LRRC4C: variants seen among roughly 807,000 people sequenced by gnomAD.
LRRC4C encodes the protein leucine-rich repeat-containing protein 4C.
LRRC4C carries 5 observed loss-of-function variants against 33.6 expected under a neutral mutation model. That is an observed-to-expected ratio of 0.15 (90% CI 0.08 to 0.31). LRRC4C has a LOEUF of 0.31. LRRC4C is among the 10% of genes least tolerant of loss of function. LRRC4C has a pLI of 1.00. For synonymous variants in LRRC4C, 329 were observed against 302.0 expected (o/e 1.09, Z -0.93); for missense variants, 560 against 796.7 (o/e 0.70, Z 3.58).
intron 2 of LRRC4C, among the ~76,000 whole-genome samples, chr11:40,660,909 T>C (rs1416742115): frequency 6.6e-6 from 1 of 152,166 alleles, no homozygotes; most frequent in Non-Finnish European, 1.5e-5. Context: ...ATAATAAATT[T>C]AATAGAGGAT....
At chr11:40,965,445 T>C (rs572031619) in intron 1 of LRRC4C, among the ~76,000 whole-genome samples, 16 of 152,314 alleles carry the variant, frequency 1.1e-4, no homozygotes, top group Middle Eastern at 3.4e-3. Context: ...TCCTTGTCCA[T>C]GCCTATGTCC....
At chr11:40,141,432 T>G (rs1857359976) in intron 5 of LRRC4C, among the ~76,000 whole-genome samples, 1 of 152,172 alleles carries the variant, frequency 6.6e-6, no homozygotes, top group Admixed American at 6.5e-5. Context: ...CTGAGGGCCA[T>G]GTACAGTACT....
At chr11:40,413,002 T>C (rs72895076) in intron 3 of LRRC4C, among the ~76,000 whole-genome samples, 4,697 of 152,234 alleles carry the variant, frequency 0.031, 78 homozygotes, top group Non-Finnish European at 0.046. Context: ...AATCCATTTT[T>C]GCATGTACAT....
chr11:40,852,469 C>A (rs1337939170), intron 2 of LRRC4C, among the ~76,000 whole-genome samples: 1 of 151,912 alleles, frequency 6.6e-6, no homozygotes, highest in Non-Finnish European at 1.5e-5. Flanking sequence ...ACATATAAAA[C>A]AATATTAATA....
At chr11:40,989,634 A>G (rs1853357918) in intron 1 of LRRC4C, among the ~76,000 whole-genome samples, 2 of 152,080 alleles carry the variant, frequency 1.3e-5, no homozygotes, top group Non-Finnish European at 2.9e-5. Context: ...AAGGCTTACT[A>G]TTTTTACTCA....
At chr11:40,609,920 A>T (rs960125483) in intron 3 of LRRC4C, among the ~76,000 whole-genome samples, 2 of 152,022 alleles carry the variant, frequency 1.3e-5, no homozygotes, top group Non-Finnish European at 2.9e-5. Context: ...AACAGAGAAA[A>T]GTCCAGAACC....
intron 1 of LRRC4C, among the ~76,000 whole-genome samples, chr11:41,261,530 G>A (rs1948982112): frequency 6.6e-6 from 1 of 152,000 alleles, no homozygotes. Context: ...CTCACAGATA[G>A]GGTGAATATA....
At chr11:40,609,814 A>G (rs1961019762) in intron 3 of LRRC4C, among the ~76,000 whole-genome samples, 1 of 151,948 alleles carries the variant, frequency 6.6e-6, no homozygotes, top group South Asian at 2.1e-4. Flanking sequence ...ATAGATTCCT[A>G]GAAACATAAA....
intron 1 of LRRC4C, among the ~76,000 whole-genome samples, chr11:41,336,472 A>G (rs2137422650): frequency 6.6e-6 from 1 of 152,160 alleles, no homozygotes; most frequent in African/African-American, 2.4e-5. Flanking sequence ...GCCATAAACT[A>G]CCACCAAAAT....
At chr11:40,327,635 C>T (rs1336471485) in intron 3 of LRRC4C, among the ~76,000 whole-genome samples, 3 of 151,990 alleles carry the variant, frequency 2.0e-5, no homozygotes, top group Admixed American at 6.6e-5. Flanking sequence ...GTCAGCCATT[C>T]CCTTAATAAA....
At chr11:40,616,918 A>C (rs373648519) in intron 3 of LRRC4C, among the ~76,000 whole-genome samples, 14 of 148,268 alleles carry the variant, frequency 9.4e-5, no homozygotes, top group African/African-American at 3.5e-4. Context: ...AAAAAAAAAA[A>C]CTGCCAAAAA....
intron 2 of LRRC4C, among the ~76,000 whole-genome samples, chr11:40,853,611 C>T (rs1051532926): frequency 4.6e-5 from 7 of 152,118 alleles, no homozygotes; most frequent in Non-Finnish European, 1.0e-4. Flanking sequence ...GGATTCTCTA[C>T]TGACTTGTTC....
chr11:40,246,809 A>G (rs775151333), intron 4 of LRRC4C, among the ~76,000 whole-genome samples: 4 of 152,184 alleles, frequency 2.6e-5, no homozygotes, highest in African/African-American at 4.8e-5. Flanking sequence ...AAGCATTAGA[A>G]ATAAAAAGTA....
chr11:41,161,692 G>A (rs912482947), intron 1 of LRRC4C, among the ~76,000 whole-genome samples: 1 of 152,084 alleles, frequency 6.6e-6, no homozygotes, highest in Non-Finnish European at 1.5e-5. Context: ...AAAAACTCTT[G>A]TTTTATGTTG....
intron 5 of LRRC4C, among the ~76,000 whole-genome samples, chr11:40,223,974 AGATT>A (rs1190942850): frequency 1.3e-5 from 2 of 152,202 alleles, no homozygotes; most frequent in African/African-American, 4.8e-5. Context: ...TTCTTTATTT[AGATT>A]AAGACTATTA....
At chr11:40,348,520 A>C (rs146745931) in intron 3 of LRRC4C, among the ~76,000 whole-genome samples, 1 of 152,142 alleles carries the variant, frequency 6.6e-6, no homozygotes, top group African/African-American at 2.4e-5. Context: ...TGCCTACATT[A>C]CTCCACTATT....
intron 3 of LRRC4C, among the ~76,000 whole-genome samples, chr11:40,345,867 A>G (rs796315486): frequency 2.3e-5 from 3 of 130,224 alleles, no homozygotes; most frequent in Non-Finnish European, 5.1e-5. Flanking sequence ...AAACCAAACA[A>G]CACCATTAAA....
Position 40,441,614 on chromosome 11 carries a change from T to G in LRRC4C, c.-269-121893A>C, listed in dbSNP as rs536172670. 4.6e-5 allele frequency among the ~76,000 whole-genome samples: 7 copies of G among 152,348 alleles called. No individual in the cohort carries two copies. In the South Asian group the frequency reaches 1.0e-3, roughly 23 times the overall value. ...GTTGAAATGTTTAAAAAGAGCACCA[T>G]GTTAGAATGGAACATGAAATAAATC... On this transcript the variant is annotated intron_variant, in intron 3 of 6. Coordinates refer to ENST00000528697, the MANE Select transcript of LRRC4C (RefSeq NM_001258419.2).
At chr11:41,110,659 A>G (rs1941776507) in intron 1 of LRRC4C, among the ~76,000 whole-genome samples, 1 of 152,026 alleles carries the variant, frequency 6.6e-6, no homozygotes, top group South Asian at 2.1e-4. Context: ...TGCAAGTTTT[A>G]TTAACCAATT....
Sources: allele counts gnomAD v4.1 joint callset (sites outside exome capture counted in the v4.1 genomes callset), GRCh38; gene constraint gnomAD v4.1.1; transcripts MANE v1.5; gene names NCBI Gene and HGNC (gene_info 2026-07-23, HGNC 2026-07-21).